Variants in GPR39 observed in about 807,000 individuals in gnomAD.
The protein encoded by GPR39 is G protein-coupled receptor 39, also known as zinc sensing receptor.
A neutral mutation model predicts 18.4 loss-of-function variants in GPR39; 23 were observed. The observed-to-expected ratio is 1.25, with a 90% CI of 0.90 to 1.77. The LOEUF (loss-of-function observed/expected upper bound fraction) is 1.77. GPR39 is among the 40% of genes most tolerant of loss of function. The pLI, the probability that GPR39 is intolerant of heterozygous loss-of-function variation, is 0.00. For synonymous variants in GPR39, 280 were observed against 257.9 expected (o/e 1.09, Z -0.82); for missense variants, 647 against 602.4 (o/e 1.07, Z -0.78).
At chr2:132,522,305 A>G (rs1043727006) in intron 1 of GPR39, among the ~76,000 whole-genome samples, 1 of 152,092 alleles carries the variant, frequency 6.6e-6, no homozygotes, top group African/African-American at 2.4e-5. Context: ...TCTACTGGAG[A>G]TTCTGGAGGG....
chr2:132,490,961 C>G (rs574401986), intron 1 of GPR39, among the ~76,000 whole-genome samples: 1 of 152,266 alleles, frequency 6.6e-6, no homozygotes, highest in Non-Finnish European at 1.5e-5. Context: ...AAATACCAGG[C>G]CCGCGAGCTG....
intron 1 of GPR39, among the ~76,000 whole-genome samples, chr2:132,454,103 C>T (rs930139612): frequency 2.6e-5 from 4 of 152,174 alleles, no homozygotes; most frequent in Non-Finnish European, 5.9e-5. Context: ...TTGATTCTTC[C>T]TATCCATGAT....
At chr2:132,544,955 G>C (rs758320063) in intron 1 of GPR39, among the ~76,000 whole-genome samples, 8 of 152,176 alleles carry the variant, frequency 5.3e-5, no homozygotes, top group Non-Finnish European at 1.2e-4. Flanking sequence ...AACCAATTAG[G>C]GAATGGTAGA....
chr2:132,542,837 C>G (rs1305769289), intron 1 of GPR39, among the ~76,000 whole-genome samples: 1 of 152,160 alleles, frequency 6.6e-6, no homozygotes, highest in Non-Finnish European at 1.5e-5. Flanking sequence ...TTTATCTGAG[C>G]TGGGCACAAG....
chr2:132,529,214 C>T (rs1013983675), intron 1 of GPR39, among the ~76,000 whole-genome samples: 3 of 152,244 alleles, frequency 2.0e-5, no homozygotes, highest in African/African-American at 7.2e-5. Context: ...ATATCCCACA[C>T]CTGGCTCGGA....
chr2:132,566,746 G>A (rs574734574), intron 1 of GPR39, among the ~76,000 whole-genome samples: 26 of 152,308 alleles, frequency 1.7e-4, no homozygotes, highest in South Asian at 8.3e-4. Flanking sequence ...TAAGTGCTCC[G>A]GCTTCACGCA....
At chr2:132,486,044 G>A (rs908560218) in intron 1 of GPR39, among the ~76,000 whole-genome samples, 4 of 152,200 alleles carry the variant, frequency 2.6e-5, no homozygotes, top group Non-Finnish European at 5.9e-5. Flanking sequence ...AATGAATGTT[G>A]TGTTAATAGG....
At chr2:132,489,896 C>T (rs779720140) in intron 1 of GPR39, among the ~76,000 whole-genome samples, 1 of 151,876 alleles carries the variant, frequency 6.6e-6, no homozygotes, top group Non-Finnish European at 1.5e-5. Flanking sequence ...AGAGGAGGCT[C>T]AGCCTAGATT....
At chr2:132,593,982 G>T (rs1205700324) in intron 1 of GPR39, among the ~76,000 whole-genome samples, 1 of 152,092 alleles carries the variant, frequency 6.6e-6, no homozygotes, top group African/African-American at 2.4e-5. Context: ...TTTTGTCCAG[G>T]TCACTTTGAC....
intron 1 of GPR39, among the ~76,000 whole-genome samples, chr2:132,550,276 C>T (rs537547081): frequency 3.9e-5 from 6 of 152,240 alleles, no homozygotes; most frequent in East Asian, 1.9e-4. Context: ...TGCTAGCTAA[C>T]GTGAAAAGGA....
intron 1 of GPR39, among the ~76,000 whole-genome samples, chr2:132,506,258 T>C (rs1401443428): frequency 1.3e-5 from 2 of 152,180 alleles, no homozygotes; most frequent in African/African-American, 2.4e-5. Flanking sequence ...TGTTTGTTCC[T>C]TTGCTGTTGA....
chr2:132,543,868 A>G (rs1363567683), intron 1 of GPR39, among the ~76,000 whole-genome samples: 4 of 151,990 alleles, frequency 2.6e-5, no homozygotes, highest in African/African-American at 9.7e-5. Context: ...TCACACCTGA[A>G]CTCCCCAGTG....
chr2:132,492,694 A>C (rs993029156), intron 1 of GPR39, among the ~76,000 whole-genome samples: 11 of 125,836 alleles, frequency 8.7e-5, no homozygotes, highest in African/African-American at 2.6e-4. Context: ...TACACACCAT[A>C]TATATATAAT....
chr2:132,582,546 C>A (rs1680643219), intron 1 of GPR39, among the ~76,000 whole-genome samples: 1 of 152,156 alleles, frequency 6.6e-6, no homozygotes, highest in Non-Finnish European at 1.5e-5. Context: ...ACTTGGCCAG[C>A]CCACTCTCCA....
At chr2:132,634,827 C>T (rs1681719430) in intron 1 of GPR39, among the ~76,000 whole-genome samples, 1 of 152,174 alleles carries the variant, frequency 6.6e-6, no homozygotes, top group Non-Finnish European at 1.5e-5. Flanking sequence ...ACAGGGTTTT[C>T]TGTGTCCTGT....
In GPR39 at chr2:132,523,953, G is replaced by A. The variant is rs145139077; in HGVS notation, c.856+106055G>A. On this transcript the variant is annotated intron_variant, in intron 1 of 1. Transcript: ENST00000329321. ...CAGCAATTCTCAAAATGTGATCCCA[G>A]ACAGGCAGTATCAGCATCACCCAGG... The A allele has an allele frequency of 9.6e-3, 1,469 of 152,838 alleles. 9 individuals carry two copies. Among genetic ancestry groups the A allele is most frequent in the Non-Finnish European group, 0.017 (1,158 of 68,070 alleles). 9.5% of individuals were successfully genotyped at this position (152,838 alleles called of 1,614,324 possible). A position where few individuals can be genotyped will look rare whatever the true frequency, so the allele number is the denominator to read the frequency against.
At position 132,591,257 on chromosome 2, in the gene GPR39, C is replaced by CAAAA. The variant is rs747314988; in HGVS notation, c.857-53827_857-53824dup. The stretch of plus-strand genomic sequence containing the variant: ...TGGGCGACAGAGCGAGACTCCGTCT[C>CAAAA]AAAAAAAAAAAAAAAAAAAACAAAA... On this transcript the variant is annotated intron_variant, in intron 1 of 1. Transcript: ENST00000329321. 3.6e-3 allele frequency among the ~76,000 whole-genome samples: 89 copies of CAAAA among 24,552 alleles called. 7 individuals carry two copies. The highest frequency in any genetic ancestry group is 0.021 in the Middle Eastern group (1 of 48). 16.1% of individuals were successfully genotyped at this position (24,552 alleles called of 152,430 possible).
intron 1 of GPR39, among the ~76,000 whole-genome samples, chr2:132,444,468 G>A (rs1210742922): frequency 2.6e-5 from 4 of 152,018 alleles, no homozygotes; most frequent in African/African-American, 9.7e-5. Context: ...TTTATTTTTT[G>A]TAGAGATGGG....
rs112477176 is a variant in GPR39, at chr2:132,494,768, T to C, written c.856+76870T>C. ...TTTTTTATCCTCATCTTATTTTCCA[T>C]TTATCTGATTTCCTCCTTTCTTTAT... On this transcript the variant is annotated intron_variant, in intron 1 of 1. Coordinates refer to ENST00000329321, the MANE Select transcript of GPR39 (RefSeq NM_001508.3). 4.1e-3 allele frequency among the ~76,000 whole-genome samples: 631 copies of C among 152,306 alleles called. 3 individuals carry two copies. Among genetic ancestry groups the C allele is most frequent in the African/African-American group, 0.013 (546 of 41,562 alleles).
Sources: gnomAD v4.1 joint callset for allele counts (sites outside exome capture counted in the v4.1 genomes callset) on GRCh38, gnomAD v4.1.1 for gene constraint, MANE v1.5 for transcripts, NCBI Gene and HGNC (gene_info 2026-07-23, HGNC 2026-07-21) for gene names.